Variants in LRRC28 observed in about 807,000 individuals in gnomAD.
The protein encoded by LRRC28 is leucine-rich repeat-containing protein 28.
Under a neutral mutation model 45.7 loss-of-function variants are expected in LRRC28, and 39 were observed. The ratio of observed to expected loss-of-function variants is 0.85; its 90% CI spans 0.66 to 1.12. LRRC28 has a LOEUF of 1.12. LRRC28 is among the 50% of genes most tolerant of loss of function. The pLI, the probability that LRRC28 is intolerant of heterozygous loss-of-function variation, is 0.00. For synonymous variants in LRRC28, 206 were observed against 178.8 expected, an observed-to-expected ratio of 1.15 and a Z score of -1.22; for missense variants, 435 against 438.5, an observed-to-expected ratio of 0.99 and a Z score of 0.07.
chr15:99,338,544 A>T (rs1234113769), intron 6 of LRRC28: 2 of 152,220 alleles, frequency 1.3e-5, no homozygotes, highest in Non-Finnish European at 2.9e-5. Context: ...CCTTGATTCT[A>T]TAAACATAAT....
rs368069445 is a variant in LRRC28, at chr15:99,352,377, C to A, written c.601C>A (p.Arg201=). 2.2e-5 allele frequency: 35 copies of A among 1,611,614 alleles called. No individual in the cohort carries two copies. The African/African-American group carries it at 3.2e-4, about 15-fold the overall frequency. The change falls in exon 7 of 10, where the codon CGA becomes AGA. Residue 201 remains arginine (R), a synonymous_variant. Transcript: ENST00000301981. Reference sequence around the variant, plus strand: ...TTTTCTTTCTAATCCAGATTTAGGTCGATCTCGAGAACTACAGTATGTATA... The same window carrying A: ...TTTTCTTTCTAATCCAGATTTAGGTAGATCTCGAGAACTACAGTATGTATA... ...RLAFLPLDLG[R]SRELQYVYVD...
At chr15:99,291,509 A>G (rs979797536) in intron 5 of LRRC28, among the ~76,000 whole-genome samples, 1 of 152,162 alleles carries the variant, frequency 6.6e-6, no homozygotes, top group Non-Finnish European at 1.5e-5. Flanking sequence ...GAGACATACT[A>G]TGGGAGGGTA....
At chr15:99,324,715 A>C (rs1423889755) in intron 5 of LRRC28, among the ~76,000 whole-genome samples, 1 of 152,218 alleles carries the variant, frequency 6.6e-6, no homozygotes, top group Non-Finnish European at 1.5e-5. Context: ...AAAAGTTTCA[A>C]GGTATTGTGT....
At chr15:99,300,295 A>G (rs1392693004) in intron 5 of LRRC28, among the ~76,000 whole-genome samples, 3 of 152,132 alleles carry the variant, frequency 2.0e-5, no homozygotes, top group East Asian at 1.9e-4. Flanking sequence ...AAAGATATAT[A>G]TGGATGTTTA....
intron 5 of LRRC28, among the ~76,000 whole-genome samples, chr15:99,299,708 A>G (rs1198184872): frequency 1.3e-5 from 2 of 152,116 alleles, no homozygotes. Flanking sequence ...GTTGTTTGAT[A>G]TTGTTTGTTA....
chr15:99,314,208 G>C (rs1296068187), intron 5 of LRRC28, among the ~76,000 whole-genome samples: 4 of 152,052 alleles, frequency 2.6e-5, no homozygotes, highest in Non-Finnish European at 4.4e-5. Flanking sequence ...ACTCTGAGAG[G>C]CTGAGGCAGG....
intron 9 of LRRC28, among the ~76,000 whole-genome samples, chr15:99,374,807 A>G (rs1957579307): frequency 6.6e-6 from 1 of 151,520 alleles, no homozygotes; most frequent in South Asian, 2.1e-4. Flanking sequence ...AGCTGGGACT[A>G]CAGGCGCCCA....
chr15:99,285,667 T>C, intron 3 of LRRC28: 1 of 602,682 alleles, frequency 1.7e-6, no homozygotes. Context: ...ATCTTGATTA[T>C]ATGTAGATAA....
chr15:99,384,789 A>G (rs1454742853), intron 9 of LRRC28: 4 of 152,238 alleles, frequency 2.6e-5, no homozygotes, highest in African/African-American at 9.6e-5. Flanking sequence ...CTAGTAAGAA[A>G]GCCATTCGTG....
chr15:99,336,618 C>A (rs7168227), intron 6 of LRRC28, among the ~76,000 whole-genome samples: 1 of 151,882 alleles, frequency 6.6e-6, no homozygotes, highest in South Asian at 2.1e-4. Context: ...TAGAGGCTAG[C>A]GCTTTCTCTC....
At chr15:99,279,941 A>G (rs2081735919) in intron 3 of LRRC28, among the ~76,000 whole-genome samples, 3 of 152,134 alleles carry the variant, frequency 2.0e-5, no homozygotes, top group African/African-American at 7.2e-5. Flanking sequence ...GCAATGTATG[A>G]TTGTTCCAGC....
intron 6 of LRRC28, among the ~76,000 whole-genome samples, chr15:99,341,689 A>T (rs1956517800): frequency 6.6e-6 from 1 of 152,200 alleles, no homozygotes; most frequent in Admixed American, 6.5e-5. Context: ...AGAAAAAGAA[A>T]TGTTCATTCT....
intron 7 of LRRC28, chr15:99,355,611 C>G (rs746047216): frequency 1.3e-4 from 20 of 151,720 alleles, no homozygotes; most frequent in Non-Finnish European, 2.4e-4. Context: ...ACATTGTAGC[C>G]AGAAAGAGAG....
intron 9 of LRRC28, among the ~76,000 whole-genome samples, chr15:99,385,486 C>G (rs971975330): frequency 1.2e-4 from 19 of 152,184 alleles, no homozygotes; most frequent in Non-Finnish European, 2.4e-4. Context: ...ACAAAGGTGC[C>G]CAAACCTCTG....
intron 9 of LRRC28, among the ~76,000 whole-genome samples, chr15:99,369,432 C>T (rs530426049): frequency 2.0e-4 from 30 of 152,222 alleles, no homozygotes; most frequent in African/African-American, 5.1e-4. Flanking sequence ...CAAAGGCTGG[C>T]GCGTTCAGAA....
intron 5 of LRRC28, among the ~76,000 whole-genome samples, chr15:99,293,550 G>T (rs746263027): frequency 3.3e-5 from 4 of 121,302 alleles, no homozygotes; most frequent in Admixed American, 1.2e-4. Context: ...CCGAGATCAT[G>T]CCGTTGCATT....
chr15:99,324,335 T>G (rs1955898453), intron 5 of LRRC28, among the ~76,000 whole-genome samples: 1 of 152,208 alleles, frequency 6.6e-6, no homozygotes, highest in African/African-American at 2.4e-5. Context: ...CAGTTGACTG[T>G]GGGTAACTGA....
intron 5 of LRRC28, among the ~76,000 whole-genome samples, chr15:99,317,826 T>G (rs1190387307): frequency 1.3e-5 from 2 of 152,222 alleles, no homozygotes; most frequent in African/African-American, 4.8e-5. Flanking sequence ...GTTGAACTGT[T>G]TGCTATTCTC....
intron 2 of LRRC28, among the ~76,000 whole-genome samples, chr15:99,261,043 G>T (rs1433446778): frequency 6.6e-6 from 1 of 152,030 alleles, no homozygotes; most frequent in African/African-American, 2.4e-5. Flanking sequence ...AAGAGAAGTT[G>T]TCGCTAATAC....
Sources: allele counts gnomAD v4.1 joint callset (sites outside exome capture counted in the v4.1 genomes callset), GRCh38; gene constraint gnomAD v4.1.1; transcripts MANE v1.5; gene names NCBI Gene and HGNC (gene_info 2026-07-23, HGNC 2026-07-21).